THSD7A: variants seen among roughly 807,000 people sequenced by gnomAD.
The protein encoded by THSD7A is thrombospondin type 1 domain containing 7A.
THSD7A carries 96 observed loss-of-function variants against 231.3 expected under a neutral mutation model. The observed-to-expected ratio is 0.41, with a 90% CI of 0.35 to 0.49. The LOEUF is 0.49. Among genes scored for constraint, THSD7A ranks in the 20% least tolerant of loss-of-function variants. The pLI is 0.05. For missense variants in THSD7A, 2,290 were observed against 2,070.2 expected (o/e 1.11, Z -2.06); for synonymous variants, 940 against 743.3 (o/e 1.26, Z -4.30).
At chr7:11,656,939 T>G (rs1036303187) in intron 1 of THSD7A, among the ~76,000 whole-genome samples, 3 of 151,866 alleles carry the variant, frequency 2.0e-5, no homozygotes, top group Non-Finnish European at 4.4e-5. Context: ...AGAAAAAGAT[T>G]AACTTTGATT....
At chr7:11,395,654 A>T (rs1783156208) in intron 23 of THSD7A, among the ~76,000 whole-genome samples, 1 of 151,640 alleles carries the variant, frequency 6.6e-6, no homozygotes, top group South Asian at 2.1e-4. Flanking sequence ...CAGCCTCCCG[A>T]GTAGCTGGGA....
At chr7:11,480,776 CTA>C (rs1786391839) in intron 7 of THSD7A, among the ~76,000 whole-genome samples, 1 of 152,020 alleles carries the variant, frequency 6.6e-6, no homozygotes, top group Admixed American at 6.6e-5. Context: ...ACTAGGAACA[CTA>C]TGTTTCTATC....
rs1217239043 is a variant in THSD7A at position 11,825,005 on chromosome 7, A to G, written c.190+6752T>C. Reference sequence around the variant, plus strand: ...AGTCTTTGGTAAGTGCTGTCTACACATAAGTGCCAAACTAATAAAAAATAT... The same window carrying G: ...AGTCTTTGGTAAGTGCTGTCTACACGTAAGTGCCAAACTAATAAAAAATAT... On this transcript the variant is annotated intron_variant, in intron 1 of 27. Coordinates refer to ENST00000423059, the MANE Select transcript of THSD7A (RefSeq NM_015204.3). Among the ~76,000 whole-genome samples the G allele has an allele frequency of 4.6e-5, 7 of 152,262 alleles. No individual in the cohort carries two copies. In the East Asian group the frequency reaches 7.7e-4, roughly 17 times the overall value.
intron 19 of THSD7A, among the ~76,000 whole-genome samples, chr7:11,410,276 T>C (rs1285667462): frequency 6.7e-6 from 1 of 150,162 alleles, no homozygotes; most frequent in African/African-American, 2.5e-5. Context: ...TAGGTCCACA[T>C]GATAAACATA....
intron 1 of THSD7A, among the ~76,000 whole-genome samples, chr7:11,699,050 G>T (rs770480771): frequency 1.3e-5 from 2 of 149,096 alleles, no homozygotes; most frequent in Admixed American, 6.8e-5. Context: ...TTAAGAGCCA[G>T]AATAGTCCAA....
In THSD7A at chr7:11,379,249, G is replaced by A. The variant is rs1324034033; in HGVS notation, c.4622C>T (p.Thr1541Ile). The change falls in exon 26 of 28, where the codon ACT becomes ATT. Residue 1541 changes from threonine to isoleucine, a missense_variant. Thr to Ile is a moderately conservative substitution (Grantham distance 89). Transcript: ENST00000423059. ...TKTCHCEEGYTEVMSSNSTLE... is the reference protein window; with the variant it reads ...TKTCHCEEGYIEVMSSNSTLE... Reference sequence around the variant, plus strand: ...GGTGCTGTTAGAAGACATGACTTCAGTGTACCCTTCTTCACAATGGCATGT... The same window carrying A: ...GGTGCTGTTAGAAGACATGACTTCAATGTACCCTTCTTCACAATGGCATGT... 3 of 1,613,672 alleles carry A rather than the reference G, an allele frequency of 1.9e-6. No homozygotes were observed. Among genetic ancestry groups the A allele is most frequent in the Non-Finnish European group, 2.5e-6 (3 of 1,179,634 alleles).
At chr7:11,654,811 A>G (rs910917297) in intron 1 of THSD7A, among the ~76,000 whole-genome samples, 1 of 152,056 alleles carries the variant, frequency 6.6e-6, no homozygotes, top group Non-Finnish European at 1.5e-5. Flanking sequence ...TTAAAATATA[A>G]CATATATCTA....
At chr7:11,380,044 T>C (rs1221759738) in intron 24 of THSD7A, among the ~76,000 whole-genome samples, 2 of 152,202 alleles carry the variant, frequency 1.3e-5, no homozygotes, top group Non-Finnish European at 2.9e-5. Flanking sequence ...AGTCCAGCAA[T>C]TGAAAAGCTG....
At chr7:11,701,564 T>C (rs906442827) in intron 1 of THSD7A, among the ~76,000 whole-genome samples, 1 of 151,116 alleles carries the variant, frequency 6.6e-6, no homozygotes, top group Non-Finnish European at 1.5e-5. Context: ...CTGATCGTTA[T>C]GCAAAAACTG....
chr7:11,705,383 C>G (rs1026410893), intron 1 of THSD7A, among the ~76,000 whole-genome samples: 10 of 150,958 alleles, frequency 6.6e-5, no homozygotes, highest in Admixed American at 4.6e-4. Context: ...ATGCATTATC[C>G]CATTTAAATA....
chr7:11,588,199 T>C (rs575169139), intron 4 of THSD7A, among the ~76,000 whole-genome samples: 1 of 152,268 alleles, frequency 6.6e-6, no homozygotes, highest in South Asian at 2.1e-4. Flanking sequence ...ACAGCCTAAT[T>C]GTTCTCCATT....
intron 13 of THSD7A, among the ~76,000 whole-genome samples, chr7:11,436,915 G>A (rs1222997395): frequency 6.6e-6 from 1 of 152,054 alleles, no homozygotes; most frequent in Non-Finnish European, 1.5e-5. Flanking sequence ...TCAAAGGAGA[G>A]TCAATTTTGT....
chr7:11,783,173 A>G (rs1226361557), intron 1 of THSD7A, among the ~76,000 whole-genome samples: 2 of 152,158 alleles, frequency 1.3e-5, no homozygotes, highest in African/African-American at 4.8e-5. Flanking sequence ...GTCTCAATAG[A>G]CCCATCTTAA....
intron 11 of THSD7A, among the ~76,000 whole-genome samples, chr7:11,452,332 G>A (rs937124411): frequency 3.3e-5 from 5 of 151,908 alleles, no homozygotes; most frequent in African/African-American, 1.2e-4. Flanking sequence ...AATCCAAGAG[G>A]GCTCCAGTTG....
intron 26 of THSD7A, 138 bp downstream of exon 26, chr7:11,378,932 A>G: frequency 1.4e-6 from 1 of 724,966 alleles, no homozygotes; most frequent in Non-Finnish European, 2.2e-6. Flanking sequence ...TGAAGAATAG[A>G]TGGCACTATC....
chr7:11,643,442 C>T (rs1266893629), intron 1 of THSD7A, among the ~76,000 whole-genome samples: 5 of 151,956 alleles, frequency 3.3e-5, no homozygotes, highest in South Asian at 4.2e-4. Flanking sequence ...ATAACTAATC[C>T]TAGTCATCGT....
At chr7:11,427,614 T>A (rs1355769684) in intron 14 of THSD7A, among the ~76,000 whole-genome samples, 3 of 152,122 alleles carry the variant, frequency 2.0e-5, no homozygotes, top group African/African-American at 7.2e-5. Context: ...GTGAAATAGG[T>A]ATGAGTATGT....
At chr7:11,378,827 GAATTA>G in intron 26 of THSD7A, 2 of 482,012 alleles carry the variant, frequency 4.1e-6, no homozygotes, top group Admixed American at 3.5e-5. Flanking sequence ...GAATTGAATT[GAATTA>G]TATTGATCCA....
chr7:11,541,383 A>G, intron 6 of THSD7A, 36 bp downstream of exon 6: 1 of 1,585,950 alleles, frequency 6.3e-7, no homozygotes, highest in South Asian at 1.1e-5. Flanking sequence ...GCAGGGTTGG[A>G]CATCCATAAA....
Sources: allele counts gnomAD v4.1 joint callset (sites outside exome capture counted in the v4.1 genomes callset), GRCh38; gene constraint gnomAD v4.1.1; transcripts MANE v1.5; gene names NCBI Gene and HGNC (gene_info 2026-07-23, HGNC 2026-07-21).